Variants in TTLL1 observed in about 807,000 individuals in gnomAD.
The protein encoded by TTLL1 is polyglutamylase complex subunit TTLL1.
TTLL1 carries 33 observed loss-of-function variants against 47.8 expected under a neutral mutation model. That is an observed-to-expected ratio of 0.69 (90% CI 0.52 to 0.92). TTLL1 has a LOEUF of 0.92. Ranked by LOEUF, TTLL1 falls within the 40% of genes least tolerant of loss-of-function variation. TTLL1 has a pLI of 0.00. For missense variants in TTLL1, 488 were observed against 547.5 expected (o/e 0.89, Z 1.08); for synonymous variants, 225 against 214.1 (o/e 1.05, Z -0.45).
intron 3 of TTLL1, 49 bp from the exon 4 acceptor site, chr22:43,069,893 A>G: frequency 1.2e-6 from 2 of 1,605,256 alleles, no homozygotes; most frequent in African/African-American, 2.7e-5. Context: ...TCTGTGTGGC[A>G]GAAGTCCTTT....
chr22:43,058,684 G>GT (rs928245996), intron 8 of TTLL1, among the ~76,000 whole-genome samples: 15 of 147,992 alleles, frequency 1.0e-4, no homozygotes, highest in East Asian at 3.9e-4. Flanking sequence ...GTGAAAACAG[G>GT]TTTTTTTTTG....
chr22:43,077,100 C>CA (rs879815151), intron 2 of TTLL1, among the ~76,000 whole-genome samples: 23 of 144,040 alleles, frequency 1.6e-4, no homozygotes, highest in Admixed American at 4.8e-4. Flanking sequence ...GACTCCACCT[C>CA]AAAAAAAAAA....
intron 2 of TTLL1, among the ~76,000 whole-genome samples, chr22:43,076,000 G>C (rs1928459226): frequency 6.6e-6 from 1 of 152,218 alleles, no homozygotes; most frequent in South Asian, 2.1e-4. Flanking sequence ...ATGGGGCTCT[G>C]AGAGCCGCAG....
chr22:43,071,878 T>G (rs1318986288), intron 3 of TTLL1, among the ~76,000 whole-genome samples: 1 of 152,244 alleles, frequency 6.6e-6, no homozygotes, highest in African/African-American at 2.4e-5. Context: ...CAGGCCTAGC[T>G]GGAGGCTGGA....
At chr22:43,064,967 G>A (rs996194404) in intron 5 of TTLL1, among the ~76,000 whole-genome samples, 1 of 152,018 alleles carries the variant, frequency 6.6e-6, no homozygotes, top group East Asian at 1.9e-4. Context: ...CCAACATGGT[G>A]AAACCCTGTC....
chr22:43,069,483 T>C (rs1927968281), intron 4 of TTLL1, 153 bp downstream of exon 4: 10 of 1,371,148 alleles, frequency 7.3e-6, no homozygotes, highest in Non-Finnish European at 9.8e-6. Context: ...TTCTCCCTCA[T>C]TCTGGAGACA....
intron 1 of TTLL1, among the ~76,000 whole-genome samples, chr22:43,083,347 C>T (rs1036916511): frequency 4.6e-5 from 7 of 152,038 alleles, no homozygotes; most frequent in Non-Finnish European, 8.8e-5. Context: ...CCAGCCTGGG[C>T]GACAGAGCGA....
At chr22:43,067,779 C>T (rs767005645) in intron 5 of TTLL1, among the ~76,000 whole-genome samples, 4 of 151,816 alleles carry the variant, frequency 2.6e-5, no homozygotes, top group Non-Finnish European at 5.9e-5. Context: ...TGAGACCAGC[C>T]TGGCTAACAG....
chr22:43,077,115 G>A (rs1569445718), intron 2 of TTLL1, among the ~76,000 whole-genome samples: 1 of 151,760 alleles, frequency 6.6e-6, no homozygotes, highest in South Asian at 2.1e-4. Flanking sequence ...AAAAAAAATT[G>A]TTTATCTGAC....
At chr22:43,063,255 G>A (rs1927502911) in intron 7 of TTLL1, among the ~76,000 whole-genome samples, 1 of 152,122 alleles carries the variant, frequency 6.6e-6, no homozygotes, top group African/African-American at 2.4e-5. Context: ...AACTAGAAAG[G>A]CAGGGCTTGA....
intron 1 of TTLL1, among the ~76,000 whole-genome samples, chr22:43,085,410 C>G (rs960666197): frequency 3.9e-5 from 6 of 152,224 alleles, no homozygotes; most frequent in Non-Finnish European, 8.8e-5. Context: ...GTATCCCAAT[C>G]TCAACTTGAC....
At chr22:43,055,258 A>G (rs1195492646) in intron 8 of TTLL1, among the ~76,000 whole-genome samples, 3 of 149,722 alleles carry the variant, frequency 2.0e-5, no homozygotes, top group Admixed American at 2.0e-4. Flanking sequence ...TCCTGGCCTC[A>G]TGTGATCCGC....
intron 8 of TTLL1, among the ~76,000 whole-genome samples, chr22:43,058,581 C>T (rs903246350): frequency 2.6e-5 from 4 of 152,224 alleles, no homozygotes; most frequent in South Asian, 2.1e-4. Flanking sequence ...GAGGCTAGCC[C>T]GGCTCACCCC....
chr22:43,050,046 G>T (rs760616853), intron 9 of TTLL1, among the ~76,000 whole-genome samples: 1 of 151,824 alleles, frequency 6.6e-6, no homozygotes, highest in Admixed American at 6.6e-5. Context: ...GCAGTGAGCC[G>T]AGATTGCGCC....
chr22:43,087,022 C>A (rs1469512164), intron 1 of TTLL1, among the ~76,000 whole-genome samples: 1 of 152,166 alleles, frequency 6.6e-6, no homozygotes, highest in African/African-American at 2.4e-5. Context: ...TAGCCCCTGG[C>A]CTTCTTTCAG....
chr22:43,040,786 C>A (rs62231637), intron 10 of TTLL1, among the ~76,000 whole-genome samples: 1,777 of 152,294 alleles, frequency 0.012, 17 homozygotes, highest in Non-Finnish European at 0.02. Context: ...AACGTTCATG[C>A]ATCCTAAGGC....
chr22:43,081,073 G>T, intron 1 of TTLL1, among the ~76,000 whole-genome samples: 1 of 151,516 alleles, frequency 6.6e-6, no homozygotes, highest in Non-Finnish European at 1.5e-5. Flanking sequence ...CCATCACCAC[G>T]CCTGGTTAAT....
At chr22:43,087,017 C>G (rs1929267686) in intron 1 of TTLL1, among the ~76,000 whole-genome samples, 1 of 152,174 alleles carries the variant, frequency 6.6e-6, no homozygotes, top group African/African-American at 2.4e-5. Flanking sequence ...CTCTTTAGCC[C>G]CTGGCCTTCT....
At chr22:43,056,860 G>A (rs541938161) in intron 8 of TTLL1, among the ~76,000 whole-genome samples, 29 of 152,178 alleles carry the variant, frequency 1.9e-4, no homozygotes, top group Non-Finnish European at 3.7e-4. Context: ...TGGCGTGATC[G>A]TGGCTCACTG....
Sources: allele counts gnomAD v4.1 joint callset (sites outside exome capture counted in the v4.1 genomes callset), GRCh38; gene constraint gnomAD v4.1.1; transcripts MANE v1.5; gene names NCBI Gene and HGNC (gene_info 2026-07-23, HGNC 2026-07-21).